RPTOR: variants seen among roughly 807,000 people sequenced by gnomAD.
RPTOR encodes the protein regulatory-associated protein of mTOR.
Under a neutral mutation model 169.9 loss-of-function variants are expected in RPTOR, and 21 were observed. The observed-to-expected ratio is 0.12, with a 90% CI of 0.09 to 0.18. The LOEUF is 0.18. Among genes scored for constraint, RPTOR ranks in the 10% least tolerant of loss-of-function variants. The pLI, the probability that RPTOR is intolerant of heterozygous loss-of-function variation, is 1.00. For synonymous variants in RPTOR, 732 were observed against 753.2 expected (o/e 0.97, Z 0.46); for missense variants, 1,133 against 1,855.9 (o/e 0.61, Z 7.16).
Position 80,621,028 on chromosome 17 carries a change from A to G in RPTOR, c.163-4663A>G, listed in dbSNP as rs371441561. Reference sequence around the variant, plus strand: ...GTTAGGTGTGTATTGTATAAACAAGATGAATGAAATTAATTTATTTCTTGT... The same window carrying G: ...GTTAGGTGTGTATTGTATAAACAAGGTGAATGAAATTAATTTATTTCTTGT... On this transcript the variant is annotated intron_variant, in intron 1 of 33. Transcript: ENST00000306801. Among the ~76,000 whole-genome samples the G allele has an allele frequency of 5.9e-5, 9 of 152,362 alleles. No homozygotes were observed. The East Asian group carries it at 1.4e-3, about 23-fold the overall frequency.
intron 7 of RPTOR, among the ~76,000 whole-genome samples, chr17:80,806,234 C>T (rs1465573733): frequency 2.0e-5 from 3 of 152,162 alleles, no homozygotes; most frequent in Non-Finnish European, 2.9e-5. Flanking sequence ...AGTATATCCT[C>T]CTGGAGAAAT....
In RPTOR at chr17:80,558,858, G is replaced by A. The variant is rs144435333; in HGVS notation, c.162+13067G>A. 1.3e-3 allele frequency among the ~76,000 whole-genome samples: 202 copies of A among 152,240 alleles called. 4 individuals are homozygous for A. The East Asian group carries it at 0.032, about 24-fold the overall frequency. ...GGATCACACGTTGCATTTGGTGGTC[G>A]TGTCTGTGTAGCCTACCTTAATCTA... On this transcript the variant is annotated intron_variant, in intron 1 of 33. Transcript: ENST00000306801.
intron 4 of RPTOR, among the ~76,000 whole-genome samples, chr17:80,722,536 C>T (rs750438068): frequency 4.6e-5 from 7 of 150,630 alleles, no homozygotes; most frequent in Non-Finnish European, 7.4e-5. Flanking sequence ...TGAGGGGAGA[C>T]GGCGCATAGA....
At chr17:80,884,816 G>A (rs1248760254) in intron 16 of RPTOR, among the ~76,000 whole-genome samples, 192 bp from the exon 17 acceptor site, 3 of 152,220 alleles carry the variant, frequency 2.0e-5, no homozygotes, top group Admixed American at 2.0e-4. Flanking sequence ...CTGGAGCTGG[G>A]CGGCTGCCCC....
In RPTOR at chr17:80,957,899, C is replaced by A. The variant is rs2069274134; in HGVS notation, c.3477+169C>A. ...CAATGCTGGGAGGAGACGTGGGCTC[C>A]CTGAGGCCTCTGGATGAAGGTGAAC... On this transcript the variant is annotated intron_variant, in intron 29 of 33. Coordinates refer to ENST00000306801, the MANE Select transcript of RPTOR (RefSeq NM_020761.3). The surrounding 1 kb of genome is among the most constrained non-coding windows in gnomAD (Gnocchi z 4.6). 6.6e-6 allele frequency among the ~76,000 whole-genome samples: 1 copy of A among 152,158 alleles called. No individual in the cohort carries two copies. The highest frequency in any genetic ancestry group is 6.5e-5 in the Admixed American group (1 of 15,274).
intron 2 of RPTOR, among the ~76,000 whole-genome samples, chr17:80,634,436 CTG>C (rs2065476442): frequency 1.2e-5 from 1 of 82,822 alleles, no homozygotes; most frequent in Non-Finnish European, 2.3e-5. Context: ...TGTGTGCATA[CTG>C]TGTGCATACT....
intron 3 of RPTOR, among the ~76,000 whole-genome samples, chr17:80,675,626 C>T (rs1438349370): frequency 6.6e-6 from 1 of 152,250 alleles, no homozygotes; most frequent in Admixed American, 6.5e-5. Context: ...ATGACTGCAA[C>T]GCCCCACTCC....
chr17:80,848,426 T>C (rs912777037), intron 11 of RPTOR, among the ~76,000 whole-genome samples: 3 of 152,400 alleles, frequency 2.0e-5, no homozygotes, highest in East Asian at 1.9e-4. Context: ...CGTTTAAGAC[T>C]ATCCTGAGAT....
intron 3 of RPTOR, among the ~76,000 whole-genome samples, chr17:80,696,574 T>C (rs575622108): frequency 9.2e-5 from 14 of 152,326 alleles, no homozygotes; most frequent in Admixed American, 7.8e-4. Flanking sequence ...CTGAGAGGCC[T>C]CTTCTTAGTG....
At position 80,708,061 on chromosome 17, in the gene RPTOR, G is replaced by A. The variant is rs543156069; in HGVS notation, c.507+62G>A. ...AAAAGCCATGCCAATTGCGGTGGTC[G>A]GAGCAGGTCCTGCCCATCCGTAGCT... On this transcript the variant is annotated intron_variant, in intron 4 of 33. Transcript: ENST00000306801. The surrounding 1 kb of genome is among the most constrained non-coding windows in gnomAD (Gnocchi z 4.2). 1.3e-4 allele frequency: 202 copies of A among 1,525,332 alleles called. No homozygotes were observed. The African/African-American group carries it at 2.4e-3, about 18-fold the overall frequency. The allele number at this position is 1,525,332 out of a possible 1,614,324, so 94.5% of individuals were successfully genotyped here. A position where few individuals can be genotyped will look rare whatever the true frequency, so the allele number is the denominator to read the frequency against.
intron 5 of RPTOR, among the ~76,000 whole-genome samples, chr17:80,753,538 C>T (rs1338289812): frequency 6.9e-6 from 1 of 144,320 alleles, no homozygotes. Context: ...GAGGCTGAGG[C>T]AGGAGAATGG....
intron 10 of RPTOR, among the ~76,000 whole-genome samples, chr17:80,840,518 GGCAGCTCACACTCACCGCA>G: frequency 1.9e-5 from 1 of 53,528 alleles, no homozygotes; most frequent in Admixed American, 2.5e-4. Flanking sequence ...CTCACACCAC[GGCAGCTCACACTCACCGCA>G]CGGCAGCTCA....
intron 3 of RPTOR, among the ~76,000 whole-genome samples, chr17:80,644,465 A>C (rs1204606753): frequency 3.3e-5 from 5 of 152,136 alleles, no homozygotes; most frequent in African/African-American, 1.2e-4. Flanking sequence ...ACTGGTTTGG[A>C]GATTTAATAA....
intron 3 of RPTOR, among the ~76,000 whole-genome samples, chr17:80,666,300 T>C (rs1197647066): frequency 6.6e-6 from 1 of 152,086 alleles, no homozygotes; most frequent in Admixed American, 6.5e-5. Context: ...TTGCTATGAG[T>C]TTAAGAAGAC....
At chr17:80,888,126 T>A (rs1373402043) in intron 17 of RPTOR, among the ~76,000 whole-genome samples, 1 of 152,212 alleles carries the variant, frequency 6.6e-6, no homozygotes, top group Admixed American at 6.5e-5. Flanking sequence ...TTATTTGTTT[T>A]ATTTTATTTT....
intron 33 of RPTOR, among the ~76,000 whole-genome samples, chr17:80,964,027 T>TG (rs2144109018): frequency 1.3e-5 from 2 of 152,218 alleles, no homozygotes; most frequent in South Asian, 4.1e-4. Flanking sequence ...GGGGCAGTCC[T>TG]GAAAAAACCA....
chr17:80,949,820 A>G (rs901365361), intron 28 of RPTOR, among the ~76,000 whole-genome samples: 5 of 152,258 alleles, frequency 3.3e-5, no homozygotes, highest in Non-Finnish European at 7.3e-5. Flanking sequence ...GCTTGCAGAC[A>G]TGTGCTGCTT....
chr17:80,896,588 C>T (rs946097979), intron 20 of RPTOR, among the ~76,000 whole-genome samples: 5 of 152,078 alleles, frequency 3.3e-5, no homozygotes, highest in Non-Finnish European at 7.4e-5. Context: ...CCCACACGGC[C>T]GCGCCGTCAC....
intron 24 of RPTOR, among the ~76,000 whole-genome samples, chr17:80,928,634 C>T (rs2068840075): frequency 6.6e-6 from 1 of 152,306 alleles, no homozygotes; most frequent in Admixed American, 6.5e-5. Flanking sequence ...TAGAAAGAGC[C>T]GTGTTCTGTC....
Sources: allele counts gnomAD v4.1 joint callset (sites outside exome capture counted in the v4.1 genomes callset), GRCh38; gene constraint gnomAD v4.1.1; non-coding constraint Gnocchi (gnomAD v3.1); transcripts MANE v1.5; gene names NCBI Gene and HGNC (gene_info 2026-07-23, HGNC 2026-07-21).